Variants in MFSD11 observed in about 807,000 individuals in gnomAD.
MFSD11 encodes the protein major facilitator superfamily domain containing 11, also known as UNC93-like protein MFSD11.
Under a neutral mutation model 53.5 loss-of-function variants are expected in MFSD11, and 36 were observed. That is an observed-to-expected ratio of 0.67 (90% CI 0.52 to 0.89). The LOEUF is 0.89. MFSD11 is among the 40% of genes least tolerant of loss of function. The pLI, the probability that MFSD11 is intolerant of heterozygous loss-of-function variation, is 0.00. For synonymous variants in MFSD11, 186 were observed against 184.9 expected (o/e 1.01, Z -0.05); for missense variants, 530 against 543.9 (o/e 0.97, Z 0.25).
chr17:76,750,725 C>T (rs1467793110), intron 7 of MFSD11, among the ~76,000 whole-genome samples: 3 of 150,754 alleles, frequency 2.0e-5, no homozygotes, highest in Admixed American at 6.6e-5. Context: ...TTAACAAGAT[C>T]TTCTTTACAT....
Position 76,778,289 on chromosome 17 carries a change from C to A in MFSD11, c.1287C>A (p.Phe429Leu). 6.2e-7 allele frequency: 1 copy of A among 1,614,168 alleles called. No homozygotes were observed. The highest frequency in any genetic ancestry group is 1.1e-5 in the South Asian group (1 of 91,090). ...VIFGFFGTIS[F>L]FTVEWEAAAF... ...TTGGGTTTTTTGGAACAATTTCTTT[C>A]TTCACTGTGGAATGGGAAGCTGCCG... is the stretch of plus-strand genomic sequence containing the variant. Residue 429 changes from phenylalanine to leucine, a missense_variant, in exon 13 of 13, where the codon TTC becomes TTA. Coordinates refer to ENST00000685175, the MANE Select transcript of MFSD11 (RefSeq NM_001242532.5).
intron 7 of MFSD11, among the ~76,000 whole-genome samples, chr17:76,750,499 A>G (rs2078966246): frequency 6.6e-6 from 1 of 151,188 alleles, no homozygotes; most frequent in African/African-American, 2.4e-5. Flanking sequence ...CTGGGACTAC[A>G]GGCTCCTGCC....
the MFSD11 span, among the ~76,000 whole-genome samples, chr17:76,786,477 T>A: frequency 6.6e-6 from 1 of 152,096 alleles, no homozygotes; most frequent in Non-Finnish European, 1.5e-5. Flanking sequence ...TCACTAGGAC[T>A]CACAGGACTC....
At position 76,756,973 on chromosome 17, in the gene MFSD11, T is replaced by A. The variant is rs577329130; in HGVS notation, c.682+2886T>A. ...TAACCATTTTTGATGGCACTTGACA[T>A]TTCTTAGTGAGCCCTTTCATGGATA... On this transcript the variant is annotated intron_variant, in intron 8 of 12. Transcript: ENST00000685175. 3.3e-5 allele frequency among the ~76,000 whole-genome samples: 5 copies of A among 152,268 alleles called. No homozygotes were observed. In the East Asian group the frequency reaches 9.6e-4, roughly 29 times the overall value.
Position 76,741,174 on chromosome 17 carries a change from G to A in MFSD11, c.260+110G>A, listed in dbSNP as rs910759908. 70 of 734,780 alleles carry A rather than the reference G, an allele frequency of 9.5e-5. 1 individual carries two copies. The highest frequency in any genetic ancestry group is 5.1e-4 in the Middle Eastern group (2 of 3,910). The allele number at this position is 734,780 out of a possible 1,614,324, so 45.5% of individuals were successfully genotyped here. On this transcript the variant is annotated intron_variant, in intron 3 of 12. Transcript: ENST00000685175. ...GACTTGGACTGAATAGAATATAGGT[G>A]GTATTTTACGAATTTTGGCTCAGTA...
At chr17:76,785,669 T>G (rs985548074), downstream of MFSD11, among the ~76,000 whole-genome samples, 1 of 152,102 alleles carries the variant, frequency 6.6e-6, no homozygotes, top group African/African-American at 2.4e-5. Context: ...GTTTCTGTTG[T>G]GCAAGATGAG....
intron 8 of MFSD11, 183 bp downstream of exon 8, chr17:76,754,270 A>C: frequency 1.8e-6 from 1 of 558,380 alleles, no homozygotes; most frequent in South Asian, 2.2e-5. Flanking sequence ...GTTGTGAGGG[A>C]TGGATGATGG....
At chr17:76,770,365 T>C (rs899128094) in intron 10 of MFSD11, among the ~76,000 whole-genome samples, 1 of 152,094 alleles carries the variant, frequency 6.6e-6, no homozygotes, top group Non-Finnish European at 1.5e-5. Flanking sequence ...TATAACTAAA[T>C]TATAAAACAT....
intron 2 of MFSD11, 122 bp downstream of exon 2, chr17:76,739,115 G>A (rs1271357872): frequency 1.3e-6 from 1 of 742,080 alleles, no homozygotes; most frequent in Non-Finnish European, 2.3e-6. Context: ...TCTTCTCAGT[G>A]CCTAGACTGA....
At chr17:76,785,943 G>C (rs2082268448), downstream of MFSD11, among the ~76,000 whole-genome samples, 1 of 151,560 alleles carries the variant, frequency 6.6e-6, no homozygotes, top group African/African-American at 2.4e-5. Flanking sequence ...GCTGGGCATG[G>C]TGGTGGGCAC....
downstream of MFSD11, among the ~76,000 whole-genome samples, chr17:76,785,484 C>T (rs775614981): frequency 3.6e-4 from 54 of 151,826 alleles, no homozygotes; most frequent in Non-Finnish European, 6.8e-4. Flanking sequence ...ACCACAAGCG[C>T]ATCCCACCAC....
At chr17:76,771,356 T>TAACA (rs2081362241) in intron 10 of MFSD11, among the ~76,000 whole-genome samples, 1 of 152,242 alleles carries the variant, frequency 6.6e-6, no homozygotes, top group African/African-American at 2.4e-5. Flanking sequence ...TGTATTTTTA[T>TAACA]TATGCTCCAC....
the MFSD11 span, among the ~76,000 whole-genome samples, chr17:76,796,197 C>T: frequency 1.3e-5 from 2 of 152,220 alleles, no homozygotes; most frequent in African/African-American, 4.8e-5. Flanking sequence ...ACCTCTCTTT[C>T]TCCTTCCTTC....
At chr17:76,778,105 A>C in intron 12 of MFSD11, 83 bp from the exon 13 acceptor site, 1 of 1,384,972 alleles carries the variant, frequency 7.2e-7, no homozygotes, top group Non-Finnish European at 1.0e-6. Context: ...TCCTTGGGGC[A>C]GGATAGGAGT....
chr17:76,793,911 C>T, the MFSD11 span, among the ~76,000 whole-genome samples: 1 of 151,186 alleles, frequency 6.6e-6, no homozygotes, highest in African/African-American at 2.5e-5. Context: ...ATTCAGTCTG[C>T]TGTTGCTGGC....
chr17:76,798,809 C>T, the MFSD11 span, among the ~76,000 whole-genome samples: 6 of 151,892 alleles, frequency 4.0e-5, no homozygotes, highest in East Asian at 1.9e-4. Context: ...AGGAGGATCA[C>T]CTGAGGTCAG....
the MFSD11 span, among the ~76,000 whole-genome samples, chr17:76,799,829 C>A: frequency 6.6e-6 from 1 of 152,108 alleles, no homozygotes; most frequent in Non-Finnish European, 1.5e-5. Flanking sequence ...AAAACTCCAG[C>A]ATGTTTTATT....
intron 7 of MFSD11, among the ~76,000 whole-genome samples, chr17:76,748,678 C>T (rs1429984026): frequency 6.6e-6 from 1 of 150,540 alleles, no homozygotes; most frequent in Non-Finnish European, 1.5e-5. Flanking sequence ...AGAGCAAGAC[C>T]CTGTCTTAAA....
intron 8 of MFSD11, among the ~76,000 whole-genome samples, chr17:76,764,010 A>G (rs1204191673): frequency 6.6e-6 from 1 of 151,966 alleles, no homozygotes; most frequent in African/African-American, 2.4e-5. Flanking sequence ...TTACAGGGGT[A>G]TACCACCATG....
Sources: gnomAD v4.1 joint callset for allele counts (sites outside exome capture counted in the v4.1 genomes callset) on GRCh38, gnomAD v4.1.1 for gene constraint, MANE v1.5 for transcripts, NCBI Gene and HGNC (gene_info 2026-07-23, HGNC 2026-07-21) for gene names.